The following COL24A1 variants were observed in gnomAD, a reference collection of about 807,000 sequenced individuals.
COL24A1 encodes collagen type XXIV alpha 1 chain.
A neutral mutation model predicts 253.9 loss-of-function variants in COL24A1; 224 were observed. The observed-to-expected ratio is 0.88, with a 90% confidence interval of 0.79 to 0.99. The LOEUF (loss-of-function observed/expected upper bound fraction) is 0.99. Ranked by LOEUF, COL24A1 falls within the 50% of genes least tolerant of loss-of-function variation. COL24A1 has a pLI of 0.00. For missense variants in COL24A1, 2,131 were observed against 2,068.5 expected (o/e 1.03, Z -0.59); for synonymous variants, 685 against 673.7 (o/e 1.02, Z -0.26).
chr1:86,047,828 G>A (rs1308891798), intron 11 of COL24A1, among the ~76,000 whole-genome samples: 1 of 151,932 alleles, frequency 6.6e-6, no homozygotes, highest in African/African-American at 2.4e-5. Context: ...GCAGATTAAA[G>A]CATCTTACTT....
intron 43 of COL24A1, among the ~76,000 whole-genome samples, chr1:85,824,590 C>G (rs370824462): frequency 9.2e-5 from 14 of 152,196 alleles, no homozygotes; most frequent in African/African-American, 3.4e-4. Flanking sequence ...ACTATAATAC[C>G]AAGAAACACC....
chr1:85,978,589 C>G (rs2100835465), intron 20 of COL24A1, among the ~76,000 whole-genome samples: 1 of 151,856 alleles, frequency 6.6e-6, no homozygotes, highest in Admixed American at 6.6e-5. Flanking sequence ...AAAAAAAAGA[C>G]AAAGAGGGAT....
intron 57 of COL24A1, among the ~76,000 whole-genome samples, chr1:85,737,863 C>T (rs1664220575): frequency 6.6e-6 from 1 of 152,130 alleles, no homozygotes; most frequent in Non-Finnish European, 1.5e-5. Flanking sequence ...TGTGCCCGGC[C>T]ACATCCTTAT....
chr1:85,774,983 T>G (rs1194685377), intron 53 of COL24A1, among the ~76,000 whole-genome samples: 2 of 152,228 alleles, frequency 1.3e-5, no homozygotes, highest in South Asian at 2.1e-4. Context: ...TCTTAGATCT[T>G]TCCTGCTTTC....
At chr1:86,156,111 G>T (rs1653572064) in intron 1 of COL24A1, 1 of 408,382 alleles carries the variant, frequency 2.4e-6, no homozygotes, top group Non-Finnish European at 4.3e-6. Context: ...CGAGCCAAAA[G>T]ATCGCTTTAG....
At chr1:85,824,574 G>A (rs563081475) in intron 43 of COL24A1, among the ~76,000 whole-genome samples, 1 of 152,170 alleles carries the variant, frequency 6.6e-6, no homozygotes, top group East Asian at 1.9e-4. Flanking sequence ...GTTACTGGGA[G>A]GTATTACTAT....
chr1:86,006,157 A>G (rs1387738242), intron 19 of COL24A1, among the ~76,000 whole-genome samples: 1 of 152,214 alleles, frequency 6.6e-6, no homozygotes, highest in African/African-American at 2.4e-5. Flanking sequence ...ATACTGACAA[A>G]CAGATTCTAA....
chr1:85,949,711 A>G (rs552682418), intron 24 of COL24A1, among the ~76,000 whole-genome samples: 5 of 152,002 alleles, frequency 3.3e-5, no homozygotes, highest in Non-Finnish European at 7.4e-5. Flanking sequence ...TTTATCTCCA[A>G]TTCATCTTTT....
At chr1:85,864,163 A>G (rs1156500441) in intron 37 of COL24A1, among the ~76,000 whole-genome samples, 1 of 152,190 alleles carries the variant, frequency 6.6e-6, no homozygotes, top group Non-Finnish European at 1.5e-5. Context: ...ATGTCCATCA[A>G]TGATAGACTG....
intron 12 of COL24A1, among the ~76,000 whole-genome samples, chr1:86,039,556 C>T (rs972270419): frequency 1.3e-5 from 2 of 151,962 alleles, no homozygotes; most frequent in South Asian, 2.1e-4. Context: ...TTTGTTCTTT[C>T]TAGAGGAAGG....
At chr1:85,942,396 A>T (rs1688835296) in intron 24 of COL24A1, among the ~76,000 whole-genome samples, 1 of 152,068 alleles carries the variant, frequency 6.6e-6, no homozygotes, top group African/African-American at 2.4e-5. Flanking sequence ...GCTGGTTTTG[A>T]GTATCTATCC....
At position 86,138,314 on chromosome 1, in the gene COL24A1, T is replaced by C. The variant is rs1338023977; in HGVS notation, c.121+7805A>G. ...AAAGTATTACTGAGGCTGAGAGTAG[T>C]CTTGGGGACCCCTTAACTTGAAGCT... On this transcript the variant is annotated intron_variant, in intron 2 of 59. Coordinates refer to ENST00000370571, the MANE Select transcript of COL24A1 (RefSeq NM_152890.7). Among the ~76,000 whole-genome samples the C allele has an allele frequency of 2.0e-5, 3 of 152,110 alleles. No homozygotes were observed. The East Asian group carries it at 5.8e-4, about 29-fold the overall frequency.
intron 20 of COL24A1, among the ~76,000 whole-genome samples, chr1:85,977,986 C>T (rs1692858953): frequency 1.3e-5 from 2 of 152,098 alleles, no homozygotes; most frequent in Admixed American, 6.5e-5. Context: ...GCAAAAGCAT[C>T]AGGTAGCCTA....
chr1:85,876,052 T>C (rs1416262671), intron 33 of COL24A1, among the ~76,000 whole-genome samples: 1 of 152,050 alleles, frequency 6.6e-6, no homozygotes, highest in Non-Finnish European at 1.5e-5. Context: ...CCATTACTTA[T>C]CATGTTAAGA....
intron 7 of COL24A1, among the ~76,000 whole-genome samples, chr1:86,084,417 T>TA (rs551663483): frequency 4.9e-4 from 74 of 152,320 alleles, no homozygotes; most frequent in Non-Finnish European, 9.0e-4. Context: ...ACTTAGAACA[T>TA]ACTTCCCTCA....
chr1:85,817,589 A>C (rs1673170855), intron 46 of COL24A1, among the ~76,000 whole-genome samples: 1 of 152,124 alleles, frequency 6.6e-6, no homozygotes, highest in Non-Finnish European at 1.5e-5. Flanking sequence ...GGTAAAAGTT[A>C]ATCTTTGTGA....
intron 57 of COL24A1, among the ~76,000 whole-genome samples, chr1:85,743,109 T>C (rs1664832666): frequency 6.6e-6 from 1 of 152,156 alleles, no homozygotes; most frequent in Admixed American, 6.5e-5. Flanking sequence ...CCAAATTATG[T>C]CACTTCTTCG....
At chr1:85,869,812 A>ACATCATAATG (rs1680225999) in intron 35 of COL24A1, among the ~76,000 whole-genome samples, 1 of 152,184 alleles carries the variant, frequency 6.6e-6, no homozygotes, top group Non-Finnish European at 1.5e-5. Flanking sequence ...CAACCAGCTA[A>ACATCATAATG]CATCATAATG....
intron 19 of COL24A1, among the ~76,000 whole-genome samples, chr1:86,001,209 G>A (rs1695375973): frequency 1.3e-5 from 2 of 152,114 alleles, no homozygotes; most frequent in Non-Finnish European, 2.9e-5. Flanking sequence ...ACATTAAGAA[G>A]AGAAAAAAAT....
Sources: allele counts gnomAD v4.1 joint callset (sites outside exome capture counted in the v4.1 genomes callset), GRCh38; gene constraint gnomAD v4.1.1; transcripts MANE v1.5; gene names NCBI Gene and HGNC (gene_info 2026-07-23, HGNC 2026-07-21).